WARS1: variants seen among roughly 807,000 people sequenced by gnomAD.
The protein encoded by WARS1 is tryptophan--tRNA ligase, cytoplasmic.
WARS1 carries 17 observed loss-of-function variants against 47.8 expected under a neutral mutation model. The ratio of observed to expected loss-of-function variants is 0.36; its 90% CI spans 0.24 to 0.53. The LOEUF (loss-of-function observed/expected upper bound fraction) is 0.53. Among genes scored for constraint, WARS1 ranks in the 20% least tolerant of loss-of-function variants. The pLI is 0.91. For missense variants in WARS1, 434 were observed against 608.0 expected (o/e 0.71, Z 3.01); for synonymous variants, 208 against 228.1 (o/e 0.91, Z 0.79).
chr14:100,346,671 C>T, intron 7 of WARS1, 75 bp downstream of exon 7: 1 of 1,185,980 alleles, frequency 8.4e-7, no homozygotes, highest in Non-Finnish European at 1.3e-6. Context: ...TTAAACCAGG[C>T]ATGTGTCTCC....
chr14:100,372,597 ATCAG>A (rs1896416712), intron 1 of WARS1, among the ~76,000 whole-genome samples: 1 of 152,170 alleles, frequency 6.6e-6, no homozygotes, highest in East Asian at 1.9e-4. Context: ...AGCTGAGCAA[ATCAG>A]TCGAAATCCA....
At chr14:100,366,821 G>A in intron 2 of WARS1, 1 of 1,506,282 alleles carries the variant, frequency 6.6e-7, no homozygotes, top group Non-Finnish European at 9.2e-7. Context: ...CTTTTTTGAT[G>A]TATTGTTTAA....
rs757954125 is a variant in WARS1, at chr14:100,361,853, C to G, written c.168G>C (p.Glu56Asp). ...LKMSYKAAAGEDYKADCPPGN... is the reference protein window; with the variant it reads ...LKMSYKAAAGDDYKADCPPGN... ...CTGGAGGACAGTCAGCCTTGTAATC[C>G]TCCCCCGCGGCAGCTTTGTAGCTCA... Residue 56 changes from glutamate (E) to aspartate (D), a missense_variant, in exon 3 of 11, where the codon GAG becomes GAC. Transcript: ENST00000392882. 1.2e-6 allele frequency: 2 copies of G among 1,614,164 alleles called. No homozygotes were observed. Among genetic ancestry groups the G allele is most frequent in the Admixed American group, 3.3e-5 (2 of 60,014 alleles).
At chr14:100,343,820 A>T (rs775742226) in intron 7 of WARS1, among the ~76,000 whole-genome samples, 109 of 152,108 alleles carry the variant, frequency 7.2e-4, no homozygotes, top group Non-Finnish European at 1.4e-3. Flanking sequence ...TTTTTAGTAG[A>T]GATGAGGTTT....
chr14:100,359,182 AT>A (rs1421759951), intron 4 of WARS1, among the ~76,000 whole-genome samples: 27 of 152,394 alleles, frequency 1.8e-4, no homozygotes, highest in African/African-American at 6.2e-4. Flanking sequence ...GCCCAAGAGA[AT>A]TGAAAACATA....
Position 100,334,920 on chromosome 14 carries a change from C to A in WARS1, c.1371G>T (p.Val457=). ...GCTTCCGGGGAGTCATGAACTCTTT[C>A]ACTATCTCATCCGTGACCTCCTTGC... ...ARRKEVTDEI[V]KEFMTPRKLS... Residue 457 remains valine, a synonymous_variant, in exon 11 of 11, where the codon GTG becomes GTT. Coordinates refer to ENST00000392882, the MANE Select transcript of WARS1 (RefSeq NM_004184.4). 6.2e-7 allele frequency: 1 copy of A among 1,614,180 alleles called. No individual in the cohort carries two copies. Among genetic ancestry groups the A allele is most frequent in the South Asian group, 1.1e-5 (1 of 91,086 alleles).
At chr14:100,344,282 G>T (rs1178943996) in intron 7 of WARS1, among the ~76,000 whole-genome samples, 1 of 152,142 alleles carries the variant, frequency 6.6e-6, no homozygotes, top group Non-Finnish European at 1.5e-5. Flanking sequence ...ACGGGGTTTC[G>T]CTGTGTTGGC....
intron 7 of WARS1, among the ~76,000 whole-genome samples, chr14:100,345,913 G>A (rs1259978659): frequency 6.6e-6 from 1 of 152,232 alleles, no homozygotes; most frequent in African/African-American, 2.4e-5. Context: ...GGCCCAGCGT[G>A]ACCCTGACGC....
At chr14:100,366,443 C>A (rs1896000735) in intron 2 of WARS1, among the ~76,000 whole-genome samples, 1 of 152,184 alleles carries the variant, frequency 6.6e-6, no homozygotes, top group African/African-American at 2.4e-5. Context: ...CCCCAAAACA[C>A]CAGCAAATAG....
chr14:100,354,334 C>A (rs1354535847), intron 5 of WARS1, 113 bp downstream of exon 5: 2 of 1,470,276 alleles, frequency 1.4e-6, no homozygotes, highest in Non-Finnish European at 1.8e-6. Flanking sequence ...CTCTTGACAT[C>A]TTGGTTGCTC....
intron 4 of WARS1, among the ~76,000 whole-genome samples, chr14:100,359,286 G>C (rs150659900): frequency 5.8e-4 from 89 of 152,252 alleles, no homozygotes; most frequent in African/African-American, 1.9e-3. Flanking sequence ...ACTAATGAAT[G>C]AATAAACAAA....
Position 100,361,915 on chromosome 14 carries a change from T to C in WARS1, c.106A>G (p.Ile36Val), listed in dbSNP as rs1321279225. 2 of 1,614,170 alleles carry C rather than the reference T, an allele frequency of 1.2e-6. No homozygotes were observed. Among genetic ancestry groups the C allele is most frequent in the African/African-American group, 2.7e-5 (2 of 75,042 alleles). The change falls in exon 3 of 11, where the codon ATT becomes GTT. Residue 36 changes from isoleucine to valine, a missense_variant. Transcript: ENST00000392882. ...ACCAACATCTTTACTGCAGAATCAA[T>C]TTCATCCTGAGAGAGGAAATAAAAG... ...LKAGNASKDE[I>V]DSAVKMLVSL...
intron 9 of WARS1, 191 bp downstream of exon 9, chr14:100,342,207 C>A: frequency 4.1e-6 from 3 of 724,282 alleles, no homozygotes; most frequent in South Asian, 3.1e-5. Flanking sequence ...ACAAATTCAC[C>A]TGATTCATGT....
chr14:100,370,718 GCATGGTGGCT>G (rs1896294593), intron 1 of WARS1, among the ~76,000 whole-genome samples: 1 of 151,780 alleles, frequency 6.6e-6, no homozygotes, highest in Non-Finnish European at 1.5e-5. Context: ...CCATGGCTGG[GCATGGTGGCT>G]CATACCTGCA....
chr14:100,335,053 A>C lies in WARS1; in HGVS notation c.1255-17T>G, dbSNP rs746989249. ...GGTGTAATCCTGCCCGGAGGGAGAC[A>C]GCCACGTGAGAGATGGCTCCACATG... On this transcript the variant is annotated splice_polypyrimidine_tract_variant and intron_variant, in intron 10 of 10. Coordinates refer to ENST00000392882, the MANE Select transcript of WARS1 (RefSeq NM_004184.4). 5 of 1,609,904 alleles carry C rather than the reference A, an allele frequency of 3.1e-6. No homozygotes were observed. The highest frequency in any genetic ancestry group is 3.3e-4 in the Middle Eastern group (2 of 6,052).
At chr14:100,362,973 A>G (rs1895745509) in intron 2 of WARS1, among the ~76,000 whole-genome samples, 2 of 152,250 alleles carry the variant, frequency 1.3e-5, no homozygotes, top group Non-Finnish European at 1.5e-5. Flanking sequence ...CATCATTAAA[A>G]TGAGCCAGAT....
At position 100,350,464 on chromosome 14, in the gene WARS1, G is replaced by A. The variant is rs149177036; in HGVS notation, c.725+3223C>T. On this transcript the variant is annotated intron_variant, in intron 6 of 10. Coordinates refer to ENST00000392882, the MANE Select transcript of WARS1 (RefSeq NM_004184.4). ...TGGAGGCTGGTCAGGAGCTGCAACC[G>A]CAGTTGCCAAAGAGACAGCACGAGG... Among the ~76,000 whole-genome samples, 331 of 149,684 alleles carry A rather than the reference G, an allele frequency of 2.2e-3. 7 individuals are homozygous for A. In the East Asian group the frequency reaches 0.026, roughly 12 times the overall value.
intron 10 of WARS1, 140 bp from the exon 11 acceptor site, chr14:100,335,176 TACC>T: frequency 1.4e-6 from 1 of 717,836 alleles, no homozygotes; most frequent in Non-Finnish European, 2.3e-6. Context: ...GATCTGTTGT[TACC>T]ACAACAATAA....
intron 7 of WARS1, 98 bp downstream of exon 7, chr14:100,346,648 A>G: frequency 9.8e-7 from 1 of 1,021,994 alleles, no homozygotes; most frequent in Non-Finnish European, 1.5e-6. Context: ...AAACGCTAAC[A>G]TCTCAGAGAT....
Sources: allele counts gnomAD v4.1 joint callset (sites outside exome capture counted in the v4.1 genomes callset), GRCh38; gene constraint gnomAD v4.1.1; transcripts MANE v1.5; gene names NCBI Gene and HGNC (gene_info 2026-07-23, HGNC 2026-07-21).